LINGO2: variants seen among roughly 807,000 people sequenced by gnomAD.
LINGO2 encodes the protein leucine rich repeat and Ig domain containing 2, also known as leucine-rich repeat and immunoglobulin-like domain-containing nogo receptor-interacting protein 2.
In LINGO2, 14 loss-of-function variants were observed where a neutral mutation model predicts 30.6. The ratio of observed to expected loss-of-function variants is 0.46; its 90% CI spans 0.30 to 0.72. LINGO2 has a LOEUF of 0.72. Ranked by LOEUF, LINGO2 falls within the 30% of genes least tolerant of loss-of-function variation. The pLI is 0.07. For synonymous variants in LINGO2, 317 were observed against 288.5 expected (o/e 1.10, Z -1.00); for missense variants, 729 against 751.7 (o/e 0.97, Z 0.35).
At position 28,011,042 on chromosome 9, in the gene LINGO2, G is replaced by A. The variant is rs13295765; in HGVS notation, c.-36+1313C>T. ...CCCCTTGTGGTTTAGTAGTCAATTA[G>A]GTACAATAACATATGGAACAAAAAA... On this transcript the variant is annotated intron_variant, in intron 5 of 5. Transcript: ENST00000379992. Among the ~76,000 whole-genome samples the A allele has an allele frequency of 3.9e-5, 6 of 152,030 alleles. No homozygotes were observed. The South Asian group carries it at 1.2e-3, about 31-fold the overall frequency.
chr9:28,035,893 AACACACACACAC>A (rs111851787), intron 4 of LINGO2, among the ~76,000 whole-genome samples: 4 of 149,198 alleles, frequency 2.7e-5, no homozygotes, highest in African/African-American at 7.4e-5. Flanking sequence ...CACACACACA[AACACACACACAC>A]ACACACACAC....
At chr9:28,568,739 A>T (rs72713598) in intron 1 of LINGO2, among the ~76,000 whole-genome samples, 3,092 of 152,170 alleles carry the variant, frequency 0.02, 60 homozygotes, top group Non-Finnish European at 0.031. Flanking sequence ...AGGATGCTTT[A>T]TCAGACAAAC....
At chr9:28,660,075 G>A (rs779398121) in intron 1 of LINGO2, among the ~76,000 whole-genome samples, 1 of 151,960 alleles carries the variant, frequency 6.6e-6, no homozygotes, top group Non-Finnish European at 1.5e-5. Context: ...AGTTGTCATC[G>A]GGATTAAAAA....
chr9:28,367,133 G>T (rs1386325513), intron 3 of LINGO2, among the ~76,000 whole-genome samples: 1 of 149,490 alleles, frequency 6.7e-6, no homozygotes, highest in African/African-American at 2.6e-5. Flanking sequence ...TATTATGACT[G>T]TTAATATTAT....
At chr9:28,044,164 A>T (rs1473876194) in intron 4 of LINGO2, among the ~76,000 whole-genome samples, 1 of 152,152 alleles carries the variant, frequency 6.6e-6, no homozygotes, top group Non-Finnish European at 1.5e-5. Flanking sequence ...CAGTTGAAAG[A>T]ATGGCCTTTG....
At chr9:28,988,587 T>G in the LINGO2 span, among the ~76,000 whole-genome samples, 406 of 152,320 alleles carry the variant, frequency 2.7e-3, 2 homozygotes, top group African/African-American at 9.2e-3. Flanking sequence ...TGTTTTCTGG[T>G]TGTTGTATTG....
At chr9:28,143,350 A>G (rs1827727590) in intron 4 of LINGO2, among the ~76,000 whole-genome samples, 1 of 152,176 alleles carries the variant, frequency 6.6e-6, no homozygotes, top group South Asian at 2.1e-4. Context: ...TCCAATTCTA[A>G]GAGTCATTGG....
At chr9:27,998,880 T>C (rs1380537966) in intron 5 of LINGO2, among the ~76,000 whole-genome samples, 1 of 152,118 alleles carries the variant, frequency 6.6e-6, no homozygotes, top group East Asian at 1.9e-4. Flanking sequence ...GAGTAAACTA[T>C]TATTATGAGG....
chr9:28,439,273 ATG>A (rs148850262), intron 2 of LINGO2, among the ~76,000 whole-genome samples: 3,135 of 150,372 alleles, frequency 0.021, 88 homozygotes, highest in East Asian at 0.1. Context: ...ATGTATATAT[ATG>A]TGTGTGTGTG....
the LINGO2 span, among the ~76,000 whole-genome samples, chr9:28,735,133 T>C: frequency 6.6e-6 from 1 of 152,156 alleles, no homozygotes; most frequent in African/African-American, 2.4e-5. Context: ...TTCTGCAGTA[T>C]TGTTTACAAG....
chr9:28,774,350 G>A, the LINGO2 span, among the ~76,000 whole-genome samples: 19 of 152,100 alleles, frequency 1.2e-4, no homozygotes, highest in African/African-American at 4.1e-4. Flanking sequence ...TACATGTTTT[G>A]CATTTTTTGT....
chr9:29,044,224 T>A, the LINGO2 span, among the ~76,000 whole-genome samples: 1 of 151,716 alleles, frequency 6.6e-6, no homozygotes, highest in Non-Finnish European at 1.5e-5. Flanking sequence ...GTGAGTGTTA[T>A]GTAAGTATAT....
intron 1 of LINGO2, among the ~76,000 whole-genome samples, chr9:28,583,453 C>A (rs1521741): frequency 0.99 from 150,529 of 152,062 alleles, 74,523 homozygotes; most frequent in Middle Eastern, 1. Flanking sequence ...TTCAGAAAAA[C>A]ATTTCCCTTT....
rs532878364 is a variant in LINGO2, at chr9:27,955,935, C to CTTTTTT, written c.-35-5235_-35-5230dup. ...ATATCCCCTTCGACATGGATACTGA[C>CTTTTTT]TTTTTTTTTTTTTTTTTTTTTGAGA... On this transcript the variant is annotated intron_variant, in intron 5 of 5. Coordinates refer to ENST00000379992, the Ensembl canonical transcript of LINGO2. Among the ~76,000 whole-genome samples, 18 of 106,768 alleles carry CTTTTTT rather than the reference C, an allele frequency of 1.7e-4. 1 individual carries two copies. The highest frequency in any genetic ancestry group is 2.9e-4 in the East Asian group (1 of 3,474). 70.0% of individuals were successfully genotyped at this position (106,768 alleles called of 152,430 possible). A position where few individuals can be genotyped will look rare whatever the true frequency, so the allele number is the denominator to read the frequency against.
chr9:28,465,600 C>T (rs765061157), intron 2 of LINGO2, among the ~76,000 whole-genome samples: 1 of 152,070 alleles, frequency 6.6e-6, no homozygotes, highest in African/African-American at 2.4e-5. Flanking sequence ...TATTTCCCTG[C>T]TTCCTGTTCA....
intron 5 of LINGO2, among the ~76,000 whole-genome samples, chr9:27,990,463 C>CCG (rs775935968): frequency 2.3e-3 from 19 of 8,128 alleles, no homozygotes; most frequent in Middle Eastern, 0.1. Flanking sequence ...GGTCTCAATA[C>CCG]CCCCCCCCCT....
intron 1 of LINGO2, among the ~76,000 whole-genome samples, chr9:28,520,952 C>A (rs995117023): frequency 6.6e-6 from 1 of 152,062 alleles, no homozygotes; most frequent in Non-Finnish European, 1.5e-5. Flanking sequence ...TCCTATATTC[C>A]TGTGCTTTTT....
At chr9:27,982,578 G>A (rs2118924215) in intron 5 of LINGO2, among the ~76,000 whole-genome samples, 1 of 151,940 alleles carries the variant, frequency 6.6e-6, no homozygotes, top group Non-Finnish European at 1.5e-5. Flanking sequence ...TTTTGTGAAT[G>A]GGAAACTGAG....
the LINGO2 span, among the ~76,000 whole-genome samples, chr9:29,208,432 C>T: frequency 6.6e-6 from 1 of 151,802 alleles, no homozygotes; most frequent in Non-Finnish European, 1.5e-5. Flanking sequence ...AAAATTTGTG[C>T]CTTATTAATA....
Sources: allele counts gnomAD v4.1 joint callset (sites outside exome capture counted in the v4.1 genomes callset), GRCh38; gene constraint gnomAD v4.1.1; transcripts MANE v1.5; gene names NCBI Gene and HGNC (gene_info 2026-07-23, HGNC 2026-07-21).